Variants in NCL observed in about 807,000 individuals in gnomAD.
NCL encodes the protein nucleolin multifunctional protein.
In NCL, 4 loss-of-function variants were observed where a neutral mutation model predicts 77.7. The observed-to-expected ratio is 0.05, with a 90% CI of 0.03 to 0.12. The LOEUF (loss-of-function observed/expected upper bound fraction) is 0.12, where lower values mean the gene tolerates loss of function less well. Ranked by LOEUF, NCL falls within the 10% of genes least tolerant of loss-of-function variation. The probability of loss-of-function intolerance (pLI) is 1.00; values close to 1 mark genes in which losing one functional copy is unlikely to be tolerated. For synonymous variants in NCL, 344 were observed against 297.8 expected (o/e 1.16, Z -1.60); for missense variants, 763 against 860.9 (o/e 0.89, Z 1.42).
In NCL at chr2:231,457,492, A is replaced by AT; in HGVS notation, c.1447+150dup. 3.5e-6 allele frequency: 3 copies of AT among 852,502 alleles called. No homozygotes were observed. The South Asian group carries it at 4.7e-5, about 13-fold the overall frequency. The allele number at this position is 852,502 out of a possible 1,614,324, so 52.8% of individuals were successfully genotyped here. On this transcript the variant is annotated intron_variant, in intron 9 of 13. Transcript: ENST00000322723. ...TCAAGATTGGAAATTACTATTCCAA[A>AT]TAAGAGTATGACTTGGGGTATCATG...
chr2:231,461,679 C>T lies in NCL; in HGVS notation c.474G>A (p.Glu158=). The T allele has an allele frequency of 6.2e-7, 1 of 1,612,058 alleles. No homozygotes were observed. Among genetic ancestry groups the T allele is most frequent in the Non-Finnish European group, 8.5e-7 (1 of 1,178,174 alleles). ...CATCCTCATCCTCGTCCTCGTCATCCTCCTCATCCTCCTCACTGTCATCAT... is the reference window on the plus strand; with the variant it reads ...CATCCTCATCCTCGTCCTCGTCATCTTCCTCATCCTCCTCACTGTCATCAT... ...EEDDDSEEDE[E]DDEDEDEDED... is the part of the protein sequence containing the mutation. Residue 158 remains glutamate, a synonymous_variant, in exon 3 of 14, where the codon GAG becomes GAA. Coordinates refer to ENST00000322723, the MANE Select transcript of NCL (RefSeq NM_005381.3).
intron 7 of NCL, 91 bp downstream of exon 7, chr2:231,458,910 A>G: frequency 7.6e-7 from 1 of 1,321,342 alleles, no homozygotes; most frequent in South Asian, 1.9e-5. Flanking sequence ...TTAAAAAAAT[A>G]AGAGGAAACC....
chr2:231,461,229 T>C (rs867470152), intron 3 of NCL, among the ~76,000 whole-genome samples: 3 of 150,918 alleles, frequency 2.0e-5, no homozygotes, highest in African/African-American at 7.3e-5. Context: ...TGAGCCGAGA[T>C]AGCGCGCCAT....
intron 10 of NCL, 39 bp downstream of exon 10, chr2:231,456,961 TA>T: frequency 6.2e-7 from 1 of 1,608,540 alleles, no homozygotes; most frequent in East Asian, 2.2e-5. Context: ...CTCTAAGACA[TA>T]TATAGCCTAT....
chr2:231,455,791 T>C (rs1429182394), intron 12 of NCL, 167 bp from the exon 13 acceptor site: 9 of 1,135,178 alleles, frequency 7.9e-6, no homozygotes, highest in Non-Finnish European at 1.1e-5. Context: ...TGTGACAGCT[T>C]GAACCCCAGA....
intron 2 of NCL, among the ~76,000 whole-genome samples, chr2:231,462,262 CT>C (rs2046960153): frequency 6.6e-6 from 1 of 152,212 alleles, no homozygotes; most frequent in Non-Finnish European, 1.5e-5. Flanking sequence ...ACCAGACCCT[CT>C]GAATTCTTAC....
intron 6 of NCL, among the ~76,000 whole-genome samples, chr2:231,459,784 G>A (rs567708920): frequency 9.2e-5 from 14 of 151,480 alleles, no homozygotes; most frequent in South Asian, 2.1e-4. Flanking sequence ...AAGTGCACCC[G>A]TAATCCCAGC....
chr2:231,457,540 G>A (rs2125634317), intron 9 of NCL, 103 bp downstream of exon 9: 2 of 1,186,414 alleles, frequency 1.7e-6, no homozygotes, highest in African/African-American at 1.5e-5. Context: ...ACCTACATTT[G>A]AGTAACTTTG....
intron 6 of NCL, among the ~76,000 whole-genome samples, chr2:231,459,588 C>T (rs2046926347): frequency 6.6e-6 from 1 of 151,700 alleles, no homozygotes; most frequent in Non-Finnish European, 1.5e-5. Context: ...CTCCCAGGTT[C>T]AAGCGATTCT....
At chr2:231,460,332 G>A (rs1454505827) in intron 5 of NCL, 39 bp from the exon 6 acceptor site, 5 of 1,613,838 alleles carry the variant, frequency 3.1e-6, no homozygotes, top group African/African-American at 1.3e-5. Flanking sequence ...CTTGTAGTGT[G>A]GTAAAAAGTT....
In NCL at chr2:231,455,084, T is replaced by A; in HGVS notation, c.*107A>T. 8.1e-7 allele frequency: 1 copy of A among 1,234,840 alleles called. No individual in the cohort carries two copies. Among genetic ancestry groups the A allele is most frequent in the Non-Finnish European group, 1.2e-6 (1 of 846,752 alleles). The allele number at this position is 1,234,840 out of a possible 1,614,324, so 76.5% of individuals were successfully genotyped here. A position where few individuals can be genotyped will look rare whatever the true frequency, so the allele number is the denominator to read the frequency against. On this transcript the variant is annotated 3_prime_UTR_variant, in exon 14 of 14. Transcript: ENST00000322723. ...GATTTCCAAGGAGACCACAGGACTG[T>A]ATACTGTCTTGGAATGTCCTCAGAA... is the stretch of plus-strand genomic sequence containing the variant.
Position 231,460,695 on chromosome 2 carries a change from T to C in NCL, c.785A>G (p.Glu262Gly). The part of the protein sequence containing the change: ...DDEDDDDEDD[E>G]EEEEEEEEEP... Reference sequence around the variant, plus strand: ...TTCCTCCTCCTCTTCTTCCTCCTCCTCATCATCTTCATCATCATCATCTTC... The same window carrying C: ...TTCCTCCTCCTCTTCTTCCTCCTCCCCATCATCTTCATCATCATCATCTTC... The change falls in exon 4 of 14, where the codon GAG (glutamate) becomes GGG (glycine). Residue 262 changes from glutamate to glycine, a missense_variant. By Grantham distance (98) the Glu-to-Gly change is moderately conservative (BLOSUM62 -2). Coordinates refer to ENST00000322723, the MANE Select transcript of NCL (RefSeq NM_005381.3). The C allele has an allele frequency of 1.3e-6, 2 of 1,587,228 alleles. No homozygotes were observed. The highest frequency in any genetic ancestry group is 1.7e-6 in the Non-Finnish European group (2 of 1,158,942).
rs1266613689 is a variant in NCL, at chr2:231,463,182, T to G, written c.135+18A>C. On this transcript the variant is annotated intron_variant, in intron 2 of 13. Transcript: ENST00000322723. ...TTGTAGTTTTAACATAATTCTGCATTAAGTTGGATAAAATTACCTCTTCTC... is the reference window on the plus strand; with the variant it reads ...TTGTAGTTTTAACATAATTCTGCATGAAGTTGGATAAAATTACCTCTTCTC... 6.6e-7 allele frequency: 1 copy of G among 1,521,844 alleles called. No homozygotes were observed. The highest frequency in any genetic ancestry group is 9.0e-7 in the Non-Finnish European group (1 of 1,113,264). 94.3% of individuals were successfully genotyped at this position (1,521,844 alleles called of 1,614,324 possible). A position where few individuals can be genotyped will look rare whatever the true frequency, so the allele number is the denominator to read the frequency against.
intron 10 of NCL, 101 bp from the exon 11 acceptor site, chr2:231,456,865 T>C (rs2046893944): frequency 6.4e-7 from 1 of 1,559,252 alleles, no homozygotes; most frequent in African/African-American, 1.4e-5. Flanking sequence ...GGTACCTAAA[T>C]GATGATCTTT....
Position 231,460,208 on chromosome 2 carries a change from G to C in NCL, c.984C>G (p.Ser328Arg). 6.2e-7 allele frequency: 1 copy of C among 1,614,046 alleles called. No homozygotes were observed. The highest frequency in any genetic ancestry group is 8.5e-7 in the Non-Finnish European group (1 of 1,179,990). ...KSAPELKTGI[S>R]DVFAKNDLAV... Reference sequence around the variant, plus strand: ...CAAGATCATTTTTAGCAAAAACATCGCTGATACCAGTTTTTAATTCAGGAG... The same window carrying C: ...CAAGATCATTTTTAGCAAAAACATCCCTGATACCAGTTTTTAATTCAGGAG... The change falls in exon 6 of 14, where the codon AGC (serine) becomes AGG (arginine). Residue 328 changes from serine to arginine, a missense_variant. Physicochemically the swap from Ser to Arg is moderately radical, Grantham distance 110. Coordinates refer to ENST00000322723, the MANE Select transcript of NCL (RefSeq NM_005381.3).
In NCL at chr2:231,458,025, T is replaced by TA. The variant is rs145256364; in HGVS notation, c.1290-226dup. Reference sequence around the variant, plus strand: ...CCTCACTGAAAGAACTGCTACTACTTACAAAGTATTTATTGTAAGATAGGC... The same window carrying TA: ...CCTCACTGAAAGAACTGCTACTACTTAACAAAGTATTTATTGTAAGATAGGC... On this transcript the variant is annotated intron_variant, in intron 8 of 13. Coordinates refer to ENST00000322723, the MANE Select transcript of NCL (RefSeq NM_005381.3). Among the ~76,000 whole-genome samples, 113 of 152,338 alleles carry TA rather than the reference T, an allele frequency of 7.4e-4. No individual in the cohort carries two copies. In the East Asian group the frequency reaches 0.021, roughly 28 times the overall value.
intron 1 of NCL, 121 bp downstream of exon 1, chr2:231,464,214 TC>T (rs2046978704): frequency 6.7e-7 from 1 of 1,483,948 alleles, no homozygotes; most frequent in Non-Finnish European, 9.1e-7. Context: ...GCGCGAGACT[TC>T]CCGCAGCATG....
intron 11 of NCL, 72 bp downstream of exon 11, chr2:231,456,559 A>T: frequency 6.2e-7 from 1 of 1,602,568 alleles, no homozygotes; most frequent in Admixed American, 1.7e-5. Flanking sequence ...GAAACACAGA[A>T]TTTGTGCAAA....
At position 231,461,782 on chromosome 2, in the gene NCL, T is replaced by C. The variant is rs754048125; in HGVS notation, c.371A>G (p.Lys124Arg). The C allele has an allele frequency of 3.7e-6, 6 of 1,614,126 alleles. No individual in the cohort carries two copies. Among genetic ancestry groups the C allele is most frequent in the Non-Finnish European group, 4.2e-6 (5 of 1,180,050 alleles). Residue 124 changes from lysine (K) to arginine (R), a missense_variant, in exon 3 of 14, where the codon AAG becomes AGG. Physicochemically the swap from Lys to Arg is conservative, Grantham distance 26. This residue lies in a region of NCL where 590 missense variants were observed against 570.5 expected (regional missense o/e 1.03). Transcript: ENST00000322723. Reference protein sequence around the residue: ...PGKALVATPGKKGAAIPAKGA... With the variant: ...PGKALVATPGRKGAAIPAKGA... ...CTTGGCTGGGATGGCAGCACCCTTC[T>C]TACCAGGAGTTGCTACCAATGCTTT...
Sources: allele counts gnomAD v4.1 joint callset (sites outside exome capture counted in the v4.1 genomes callset), GRCh38; gene constraint gnomAD v4.1.1; regional missense constraint gnomAD v4.1.1; transcripts MANE v1.5; gene names NCBI Gene and HGNC (gene_info 2026-07-23, HGNC 2026-07-21).